The following AGBL1 variants were observed in gnomAD, a reference collection of about 807,000 sequenced individuals.
AGBL1 encodes the protein cytosolic carboxypeptidase 4.
A neutral mutation model predicts 118.9 loss-of-function variants in AGBL1; 130 were observed. The ratio of observed to expected loss-of-function variants is 1.09; its 90% CI spans 0.95 to 1.26. The LOEUF is 1.26. AGBL1 is among the 50% of genes most tolerant of loss of function. AGBL1 has a pLI of 0.00. For synonymous variants in AGBL1, 555 were observed against 478.9 expected (o/e 1.16, Z -2.08); for missense variants, 1,584 against 1,298.1 (o/e 1.22, Z -3.38).
At chr15:86,827,812 C>T (rs1005685854) in intron 22 of AGBL1, among the ~76,000 whole-genome samples, 2 of 149,860 alleles carry the variant, frequency 1.3e-5, no homozygotes, top group Non-Finnish European at 1.5e-5. Context: ...CCTGCAAAAG[C>T]CAGGTGGATT....
chr15:86,851,721 C>T (rs1248747866), intron 22 of AGBL1, among the ~76,000 whole-genome samples: 4 of 152,066 alleles, frequency 2.6e-5, no homozygotes, highest in Admixed American at 6.6e-5. Context: ...AAAGGCAGGG[C>T]ATTAACTTGA....
intron 22 of AGBL1, among the ~76,000 whole-genome samples, chr15:86,759,022 G>C (rs2077984921): frequency 6.6e-6 from 1 of 150,454 alleles, no homozygotes; most frequent in Admixed American, 6.6e-5. Flanking sequence ...TATACCTCAT[G>C]AGAGTAGAGA....
chr15:86,147,335 G>A (rs1052199139), intron 3 of AGBL1, among the ~76,000 whole-genome samples: 1 of 152,238 alleles, frequency 6.6e-6, no homozygotes, highest in African/African-American at 2.4e-5. Context: ...AAGAACAAGA[G>A]GTTGGGGGAT....
chr15:86,145,720 A>G (rs2077024638), intron 3 of AGBL1, among the ~76,000 whole-genome samples: 1 of 152,230 alleles, frequency 6.6e-6, no homozygotes, highest in Non-Finnish European at 1.5e-5. Context: ...TATTCAACAG[A>G]TATTTACTGC....
At chr15:86,952,911 A>G (rs922479612) in intron 23 of AGBL1, among the ~76,000 whole-genome samples, 1 of 152,218 alleles carries the variant, frequency 6.6e-6, no homozygotes, top group Non-Finnish European at 1.5e-5. Flanking sequence ...TTATGCAAGC[A>G]TAAGTCATTG....
intron 21 of AGBL1, among the ~76,000 whole-genome samples, chr15:86,582,198 C>T (rs1468575959): frequency 6.6e-6 from 1 of 152,158 alleles, no homozygotes; most frequent in Non-Finnish European, 1.5e-5. Context: ...TGCTTAGTTA[C>T]AAAGGTTTAG....
intron 22 of AGBL1, among the ~76,000 whole-genome samples, chr15:86,813,419 A>G (rs151323579): frequency 1.3e-5 from 2 of 152,334 alleles, no homozygotes; most frequent in East Asian, 3.9e-4. Flanking sequence ...TCTGACAAAA[A>G]GTGCCTCTAT....
intron 17 of AGBL1, among the ~76,000 whole-genome samples, chr15:86,352,294 A>T (rs2080640102): frequency 6.6e-6 from 1 of 152,232 alleles, no homozygotes; most frequent in African/African-American, 2.4e-5. Context: ...GGAAAGATAC[A>T]GTTAGAAATT....
chr15:86,593,836 T>C (rs1036575533), intron 21 of AGBL1, among the ~76,000 whole-genome samples: 1 of 152,230 alleles, frequency 6.6e-6, no homozygotes, highest in African/African-American at 2.4e-5. Flanking sequence ...TAGAATTTCA[T>C]ATAAATGGAA....
chr15:86,095,228 A>G (rs2141477288), intron 1 of AGBL1, among the ~76,000 whole-genome samples: 1 of 152,262 alleles, frequency 6.6e-6, no homozygotes, highest in Non-Finnish European at 1.5e-5. Context: ...GAACCCCATC[A>G]TTTAAGGTTT....
intron 18 of AGBL1, among the ~76,000 whole-genome samples, chr15:86,445,591 G>A (rs1596124270): frequency 6.6e-6 from 1 of 152,352 alleles, no homozygotes; most frequent in South Asian, 2.1e-4. Flanking sequence ...GCTAGCGAGT[G>A]TGGTAATAGA....
At chr15:86,444,311 C>G (rs1266280142) in intron 18 of AGBL1, among the ~76,000 whole-genome samples, 1 of 152,158 alleles carries the variant, frequency 6.6e-6, no homozygotes, top group African/African-American at 2.4e-5. Flanking sequence ...AAAGAATATC[C>G]CGCCCCAATA....
chr15:86,790,380 GCA>G lies in AGBL1; in HGVS notation c.3158+115959_3158+115960del, dbSNP rs142594712. 3.2e-3 allele frequency among the ~76,000 whole-genome samples: 470 copies of G among 147,562 alleles called. 4 individuals are homozygous for G. Among genetic ancestry groups the G allele is most frequent in the African/African-American group, 0.01 (422 of 40,446 alleles). On this transcript the variant is annotated intron_variant, in intron 22 of 22. Coordinates refer to ENST00000614907, the MANE Select transcript of AGBL1 (RefSeq NM_001386094.1). ...CACACACACACACGCATGCACGCAC[GCA>G]CACACACACACACAGTCCTGTATCT...
At chr15:86,664,691 G>C (rs542321584) in intron 21 of AGBL1, among the ~76,000 whole-genome samples, 6 of 151,914 alleles carry the variant, frequency 3.9e-5, no homozygotes, top group African/African-American at 1.5e-4. Flanking sequence ...TTCATGGGAA[G>C]GAAAAAGTAG....
intron 18 of AGBL1, among the ~76,000 whole-genome samples, chr15:86,475,468 G>T: frequency 6.6e-6 from 1 of 152,130 alleles, no homozygotes; most frequent in Non-Finnish European, 1.5e-5. Flanking sequence ...GGAAGAAAGG[G>T]TATCAGTGAT....
chr15:86,650,203 C>T (rs1301681847), intron 21 of AGBL1, among the ~76,000 whole-genome samples: 2 of 152,120 alleles, frequency 1.3e-5, no homozygotes, highest in Non-Finnish European at 2.9e-5. Flanking sequence ...ATCCCTTTCC[C>T]TGTTTTTAGC....
intron 1 of AGBL1, among the ~76,000 whole-genome samples, chr15:86,082,893 T>G (rs1207420864): frequency 6.6e-6 from 1 of 152,222 alleles, no homozygotes; most frequent in Non-Finnish European, 1.5e-5. Flanking sequence ...CAGAAAGGAC[T>G]GGATCCAGCC....
At chr15:86,458,595 T>C (rs752533057) in intron 18 of AGBL1, among the ~76,000 whole-genome samples, 36 of 152,212 alleles carry the variant, frequency 2.4e-4, no homozygotes, top group Admixed American at 5.2e-4. Flanking sequence ...AGCTGAACTC[T>C]GCTTTCTAAA....
chr15:86,523,282 G>A (rs2083214758), intron 19 of AGBL1, among the ~76,000 whole-genome samples: 2 of 152,106 alleles, frequency 1.3e-5, no homozygotes, highest in African/African-American at 4.8e-5. Context: ...GCATTCCTGG[G>A]CTTGTGGCAG....
Sources: gnomAD v4.1 joint callset for allele counts (sites outside exome capture counted in the v4.1 genomes callset) on GRCh38, gnomAD v4.1.1 for gene constraint, MANE v1.5 for transcripts, NCBI Gene and HGNC (gene_info 2026-07-23, HGNC 2026-07-21) for gene names.